Variants in KSR2 observed in about 807,000 individuals in gnomAD.
The protein encoded by KSR2 is kinase suppressor of ras 2.
KSR2 carries 25 observed loss-of-function variants against 107.8 expected under a neutral mutation model. The ratio of observed to expected loss-of-function variants is 0.23; its 90% confidence interval spans 0.17 to 0.32. The LOEUF (loss-of-function observed/expected upper bound fraction) is 0.32. Ranked by LOEUF, KSR2 falls within the 10% of genes least tolerant of loss-of-function variation. The pLI is 1.00. For synonymous variants in KSR2, 480 were observed against 507.0 expected (o/e 0.95, Z 0.71); for missense variants, 887 against 1,268.9 (o/e 0.70, Z 4.57).
chr12:117,679,724 G>A (rs1450898907), intron 4 of KSR2, among the ~76,000 whole-genome samples: 1 of 152,100 alleles, frequency 6.6e-6, no homozygotes, highest in Non-Finnish European at 1.5e-5. Flanking sequence ...GTTATGGCTA[G>A]GGCATGGTTC....
intron 3 of KSR2, among the ~76,000 whole-genome samples, chr12:117,812,840 G>A (rs1173572998): frequency 2.1e-5 from 1 of 46,870 alleles, no homozygotes; most frequent in Non-Finnish European, 3.3e-5. Context: ...ACCCCAAATA[G>A]CCAAAAAAAA....
intron 5 of KSR2, among the ~76,000 whole-genome samples, chr12:117,639,296 T>C (rs1358488141): frequency 1.3e-5 from 2 of 151,688 alleles, no homozygotes; most frequent in Non-Finnish European, 2.9e-5. Flanking sequence ...TGTGTGTATG[T>C]AGACACACTA....
At chr12:117,709,617 A>G (rs900933049) in intron 4 of KSR2, among the ~76,000 whole-genome samples, 1 of 152,178 alleles carries the variant, frequency 6.6e-6, no homozygotes, top group Admixed American at 6.5e-5. Context: ...TGTGCCTGGC[A>G]GCTCTCTGTT....
At chr12:117,859,554 TCAG>T (rs1893217889) in intron 2 of KSR2, among the ~76,000 whole-genome samples, 2 of 151,258 alleles carry the variant, frequency 1.3e-5, no homozygotes, top group Middle Eastern at 6.8e-3. Flanking sequence ...CCTCCTGGGC[TCAG>T]GTGATCCTCC....
intron 3 of KSR2, among the ~76,000 whole-genome samples, chr12:117,818,024 C>G (rs1891434535): frequency 6.6e-6 from 1 of 151,976 alleles, no homozygotes; most frequent in South Asian, 2.1e-4. Context: ...TCACTTGAAC[C>G]CAGGAGACAG....
At chr12:117,579,331 G>T in intron 6 of KSR2, 129 bp from the exon 7 acceptor site, 1 of 714,060 alleles carries the variant, frequency 1.4e-6, no homozygotes. Context: ...CGAGCTGTGT[G>T]ACTTAATCAA....
chr12:117,919,475 T>C (rs546686612), intron 1 of KSR2, among the ~76,000 whole-genome samples: 103 of 152,320 alleles, frequency 6.8e-4, no homozygotes, highest in Middle Eastern at 3.4e-3. Flanking sequence ...CAAGGAAGCA[T>C]ATGCTAGGCT....
intron 1 of KSR2, among the ~76,000 whole-genome samples, chr12:117,899,616 T>TA (rs1262033615): frequency 6.6e-6 from 1 of 152,246 alleles, no homozygotes; most frequent in African/African-American, 2.4e-5. Context: ...GGCAGAAGCC[T>TA]AAGATGGCCC....
intron 2 of KSR2, among the ~76,000 whole-genome samples, chr12:117,858,519 G>T (rs763034594): frequency 7.9e-5 from 12 of 152,186 alleles, no homozygotes; most frequent in Non-Finnish European, 1.6e-4. Flanking sequence ...CTTAGATCTG[G>T]TGGGGCTGGG....
intron 4 of KSR2, among the ~76,000 whole-genome samples, chr12:117,746,661 G>C (rs1231548588): frequency 6.6e-6 from 1 of 151,888 alleles, no homozygotes; most frequent in Non-Finnish European, 1.5e-5. Flanking sequence ...CAGAATGGGA[G>C]AACATTTTTG....
chr12:117,640,430 C>A (rs1883304929), intron 5 of KSR2, among the ~76,000 whole-genome samples: 1 of 150,086 alleles, frequency 6.7e-6, no homozygotes, highest in Non-Finnish European at 1.5e-5. Flanking sequence ...TTTGTATTTT[C>A]AGTAGAGATG....
chr12:117,559,894 C>A (rs1337062398), intron 7 of KSR2, among the ~76,000 whole-genome samples: 1 of 152,132 alleles, frequency 6.6e-6, no homozygotes, highest in Non-Finnish European at 1.5e-5. Context: ...TTTGCACATA[C>A]CAGTCTAACT....
chr12:117,537,500 T>C lies in KSR2; in HGVS notation c.1687+2219A>G, dbSNP rs555497404. ...TAAGCTTTGTCCATGTATTATGCCA[T>C]TTCTTTCTAAAACAATTATCTAAGG... On this transcript the variant is annotated intron_variant, in intron 10 of 19. Coordinates refer to ENST00000339824, the MANE Select transcript of KSR2 (RefSeq NM_173598.6). 2.0e-5 allele frequency among the ~76,000 whole-genome samples: 3 copies of C among 152,358 alleles called. No homozygotes were observed. In the East Asian group the frequency reaches 5.8e-4, roughly 29 times the overall value.
chr12:117,623,142 G>A (rs545538705), intron 5 of KSR2, among the ~76,000 whole-genome samples: 2 of 152,150 alleles, frequency 1.3e-5, no homozygotes, highest in South Asian at 4.1e-4. Context: ...CTTCGCACAT[G>A]GTAGATACCA....
chr12:117,946,631 T>C (rs1192001884), intron 1 of KSR2, among the ~76,000 whole-genome samples: 1 of 152,114 alleles, frequency 6.6e-6, no homozygotes, highest in Non-Finnish European at 1.5e-5. Flanking sequence ...AGGCCCAGTA[T>C]TATCCTGATT....
chr12:117,676,564 C>T (rs188509129), intron 4 of KSR2, among the ~76,000 whole-genome samples: 3 of 151,990 alleles, frequency 2.0e-5, no homozygotes, highest in Non-Finnish European at 4.4e-5. Context: ...AGAAGACAAA[C>T]GAGGGGGAGG....
At chr12:117,895,355 T>C (rs1894480429) in intron 1 of KSR2, among the ~76,000 whole-genome samples, 1 of 152,114 alleles carries the variant, frequency 6.6e-6, no homozygotes, top group East Asian at 1.9e-4. Flanking sequence ...GCTTACCAAA[T>C]ATCTCACTTG....
At chr12:117,944,493 C>T (rs559516701) in intron 1 of KSR2, among the ~76,000 whole-genome samples, 7 of 152,020 alleles carry the variant, frequency 4.6e-5, no homozygotes, top group South Asian at 2.1e-4. Context: ...GAAAATCATT[C>T]GATTGTACAG....
chr12:117,630,369 G>A (rs1882745676), intron 5 of KSR2, among the ~76,000 whole-genome samples: 1 of 152,056 alleles, frequency 6.6e-6, no homozygotes, highest in Non-Finnish European at 1.5e-5. Flanking sequence ...ATGTGTGTGT[G>A]TGTGTGCATG....
Sources: allele counts gnomAD v4.1 joint callset (sites outside exome capture counted in the v4.1 genomes callset), GRCh38; gene constraint gnomAD v4.1.1; transcripts MANE v1.5; gene names NCBI Gene and HGNC (gene_info 2026-07-23, HGNC 2026-07-21).